Variants in GALNT13 observed in about 807,000 individuals in gnomAD.
GALNT13 encodes the protein UDP-GalNAc:polypeptide N-acetylgalactosaminyltransferase 13.
In GALNT13, 28 loss-of-function variants were observed where a neutral mutation model predicts 64.2. That is an observed-to-expected ratio of 0.44 (90% CI 0.32 to 0.60). The LOEUF (loss-of-function observed/expected upper bound fraction) is 0.60, where lower values mean the gene tolerates loss of function less well. Among genes scored for constraint, GALNT13 ranks in the 20% least tolerant of loss-of-function variants. GALNT13 has a pLI of 0.05. For missense variants in GALNT13, 577 were observed against 669.8 expected (o/e 0.86, Z 1.53); for synonymous variants, 214 against 224.6 (o/e 0.95, Z 0.42).
intron 3 of GALNT13, among the ~76,000 whole-genome samples, chr2:153,971,804 G>T (rs1203497855): frequency 1.3e-5 from 2 of 151,874 alleles, no homozygotes; most frequent in East Asian, 3.9e-4. Context: ...CATTATAATA[G>T]GTTGAATAGT....
intron 3 of GALNT13, among the ~76,000 whole-genome samples, chr2:154,010,708 A>G (rs558691703): frequency 6.6e-5 from 10 of 152,218 alleles, no homozygotes; most frequent in Non-Finnish European, 7.4e-5. Flanking sequence ...TTGTGAGTCA[A>G]TCTGGTCCAG....
At chr2:153,592,203 C>T in the GALNT13 span, among the ~76,000 whole-genome samples, 1 of 152,000 alleles carries the variant, frequency 6.6e-6, no homozygotes, top group African/African-American at 2.4e-5. Flanking sequence ...GGTGAGGATG[C>T]AGTGAAAAGG....
the GALNT13 span, among the ~76,000 whole-genome samples, chr2:153,256,724 G>A: frequency 6.6e-6 from 1 of 152,288 alleles, no homozygotes; most frequent in East Asian, 1.9e-4. Flanking sequence ...TGAGGTGTCA[G>A]TCTGCCCCTG....
chr2:154,192,450 C>G (rs1215838489), intron 4 of GALNT13, among the ~76,000 whole-genome samples: 1 of 152,154 alleles, frequency 6.6e-6, no homozygotes, highest in Non-Finnish European at 1.5e-5. Context: ...CCTGTATCAC[C>G]TACATGGACC....
At chr2:153,284,393 C>T in the GALNT13 span, among the ~76,000 whole-genome samples, 154 of 152,276 alleles carry the variant, frequency 1.0e-3, no homozygotes, top group African/African-American at 3.4e-3. Context: ...GAGCAGGCAC[C>T]TCAACCTCTG....
chr2:153,416,028 A>G, the GALNT13 span, among the ~76,000 whole-genome samples: 14,600 of 152,276 alleles, frequency 0.096, 962 homozygotes, highest in African/African-American at 0.18. Context: ...GCCTACCACT[A>G]AATCTACTGA....
the GALNT13 span, among the ~76,000 whole-genome samples, chr2:153,128,162 G>C: frequency 1.3e-5 from 2 of 152,124 alleles, no homozygotes; most frequent in African/African-American, 2.4e-5. Context: ...ACTGAGTTTT[G>C]AATTCCTATT....
chr2:154,370,234 C>T (rs545300144), intron 9 of GALNT13, among the ~76,000 whole-genome samples: 9 of 152,048 alleles, frequency 5.9e-5, no homozygotes, highest in African/African-American at 1.9e-4. Flanking sequence ...GGGAACAGAT[C>T]TTGAAGGTCT....
chr2:153,616,126 G>A, the GALNT13 span, among the ~76,000 whole-genome samples: 1 of 151,602 alleles, frequency 6.6e-6, no homozygotes, highest in African/African-American at 2.4e-5. Flanking sequence ...TGAGAGATAG[G>A]GGTCTAGTTT....
the GALNT13 span, among the ~76,000 whole-genome samples, chr2:153,489,877 G>T: frequency 0.11 from 16,590 of 151,998 alleles, 1,010 homozygotes; most frequent in African/African-American, 0.17. Flanking sequence ...AAAAGAGGAA[G>T]CTTCACTGAG....
At chr2:154,177,450 A>G (rs1438862801) in intron 4 of GALNT13, among the ~76,000 whole-genome samples, 1 of 152,102 alleles carries the variant, frequency 6.6e-6, no homozygotes, top group Non-Finnish European at 1.5e-5. Flanking sequence ...GGGCATTGAA[A>G]ATACTCTTGT....
chr2:154,139,991 C>T (rs1458856389), intron 3 of GALNT13, among the ~76,000 whole-genome samples: 1 of 151,896 alleles, frequency 6.6e-6, no homozygotes, highest in East Asian at 1.9e-4. Flanking sequence ...CTTTAAAGTT[C>T]TTTTATTTTG....
At chr2:154,218,561 C>A (rs1350443993) in intron 4 of GALNT13, among the ~76,000 whole-genome samples, 1 of 151,958 alleles carries the variant, frequency 6.6e-6, no homozygotes, top group East Asian at 1.9e-4. Context: ...ACTTGTTTTC[C>A]AAAATCATTA....
At chr2:153,627,064 C>A in the GALNT13 span, among the ~76,000 whole-genome samples, 1 of 152,166 alleles carries the variant, frequency 6.6e-6, no homozygotes, top group East Asian at 1.9e-4. Context: ...CAGCATTTTT[C>A]TTCTCTCTAG....
chr2:153,087,048 A>T, the GALNT13 span, among the ~76,000 whole-genome samples: 5 of 152,112 alleles, frequency 3.3e-5, no homozygotes, highest in Non-Finnish European at 7.4e-5. Flanking sequence ...GCGGGCATCC[A>T]TGTCTTGTTC....
At chr2:153,478,100 T>G in the GALNT13 span, 1 of 713,108 alleles carries the variant, frequency 1.4e-6, no homozygotes. Context: ...CGGTCGCTTC[T>G]TTCCGAAAGG....
At chr2:154,438,196 C>T (rs1701092263) in intron 11 of GALNT13, among the ~76,000 whole-genome samples, 1 of 151,008 alleles carries the variant, frequency 6.6e-6, no homozygotes, top group African/African-American at 2.4e-5. Flanking sequence ...GAAAAAATGA[C>T]ATTGTAGAAT....
chr2:153,531,035 A>G, the GALNT13 span, among the ~76,000 whole-genome samples: 1 of 152,212 alleles, frequency 6.6e-6, no homozygotes, highest in Non-Finnish European at 1.5e-5. Flanking sequence ...AAATGCACAA[A>G]TGGGATCATA....
At chr2:153,479,602 A>G in the GALNT13 span, among the ~76,000 whole-genome samples, 365 of 152,304 alleles carry the variant, frequency 2.4e-3, 2 homozygotes, top group Non-Finnish European at 3.6e-3. Flanking sequence ...TTAATTGCAG[A>G]TAAGTTTTTG....
Sources: allele counts gnomAD v4.1 joint callset (sites outside exome capture counted in the v4.1 genomes callset), GRCh38; gene constraint gnomAD v4.1.1; transcripts MANE v1.5; gene names NCBI Gene and HGNC (gene_info 2026-07-23, HGNC 2026-07-21).